Variants in PPP2R5E observed in about 807,000 individuals in gnomAD.
PPP2R5E encodes the protein serine/threonine-protein phosphatase 2A 56 kDa regulatory subunit epsilon isoform.
Under a neutral mutation model 65.3 loss-of-function variants are expected in PPP2R5E, and 4 were observed. The observed-to-expected ratio is 0.06, with a 90% CI of 0.03 to 0.14. The LOEUF (loss-of-function observed/expected upper bound fraction) is 0.14. PPP2R5E is among the 10% of genes least tolerant of loss of function. The pLI, the probability that PPP2R5E is intolerant of heterozygous loss-of-function variation, is 1.00. For missense variants in PPP2R5E, 274 were observed against 556.1 expected, an observed-to-expected ratio of 0.49 and a Z score of 5.10; for synonymous variants, 183 against 187.4, an observed-to-expected ratio of 0.98 and a Z score of 0.19.
At chr14:63,379,712 G>A (rs1884203364) in intron 13 of PPP2R5E, among the ~76,000 whole-genome samples, 1 of 151,674 alleles carries the variant, frequency 6.6e-6, no homozygotes, top group Admixed American at 6.6e-5. Context: ...TCTTTTTCAA[G>A]GGTTTAGTCT....
intron 13 of PPP2R5E, among the ~76,000 whole-genome samples, chr14:63,376,884 C>T (rs1247071471): frequency 1.3e-5 from 2 of 152,048 alleles, no homozygotes; most frequent in African/African-American, 2.4e-5. Flanking sequence ...AAAGCAGACC[C>T]AGGCTGGGCG....
chr14:63,411,215 A>G (rs1886371000), intron 5 of PPP2R5E, among the ~76,000 whole-genome samples: 1 of 152,178 alleles, frequency 6.6e-6, no homozygotes, highest in East Asian at 1.9e-4. Flanking sequence ...CATAGCATCT[A>G]ATAGTCTCTA....
chr14:63,514,276 C>T (rs1892574966), intron 2 of PPP2R5E, among the ~76,000 whole-genome samples: 1 of 152,070 alleles, frequency 6.6e-6, no homozygotes, highest in Non-Finnish European at 1.5e-5. Flanking sequence ...CAGACACTGC[C>T]AGCTCTCAGT....
chr14:63,404,830 T>G (rs1885974787), intron 5 of PPP2R5E, among the ~76,000 whole-genome samples: 1 of 152,218 alleles, frequency 6.6e-6, no homozygotes, highest in Admixed American at 6.6e-5. Flanking sequence ...GTGATTTAAA[T>G]TTTTAAGACA....
chr14:63,445,438 G>A (rs966431680), intron 3 of PPP2R5E, among the ~76,000 whole-genome samples: 2 of 152,206 alleles, frequency 1.3e-5, no homozygotes, highest in African/African-American at 2.4e-5. Flanking sequence ...AGCCTTTAGC[G>A]AGTTGTAATC....
intron 7 of PPP2R5E, 115 bp downstream of exon 7, chr14:63,395,111 A>G (rs1268076227): frequency 2.5e-6 from 2 of 795,618 alleles, no homozygotes; most frequent in African/African-American, 1.7e-5. Context: ...CACAAATGAG[A>G]GAGACCCAAT....
intron 5 of PPP2R5E, among the ~76,000 whole-genome samples, chr14:63,399,795 C>G (rs918994345): frequency 6.6e-6 from 1 of 151,886 alleles, no homozygotes; most frequent in Non-Finnish European, 1.5e-5. Context: ...AGTGTCTTTA[C>G]AGCAAAACAT....
At chr14:63,510,728 A>G (rs774315799) in intron 2 of PPP2R5E, among the ~76,000 whole-genome samples, 1 of 152,226 alleles carries the variant, frequency 6.6e-6, no homozygotes, top group Non-Finnish European at 1.5e-5. Flanking sequence ...CATCATGTAA[A>G]GTTTTGTAAC....
At chr14:63,464,839 A>G (rs1422881909) in intron 2 of PPP2R5E, among the ~76,000 whole-genome samples, 2 of 152,130 alleles carry the variant, frequency 1.3e-5, no homozygotes, top group African/African-American at 4.8e-5. Flanking sequence ...CCTGGCCAAC[A>G]TGGTGAAACC....
At chr14:63,478,159 C>T (rs1890500328) in intron 2 of PPP2R5E, among the ~76,000 whole-genome samples, 2 of 152,130 alleles carry the variant, frequency 1.3e-5, no homozygotes, top group South Asian at 4.1e-4. Flanking sequence ...TGAAAACAGA[C>T]TATTTTCAAA....
At chr14:63,523,919 G>C (rs559526064) in intron 2 of PPP2R5E, among the ~76,000 whole-genome samples, 2 of 152,212 alleles carry the variant, frequency 1.3e-5, no homozygotes, top group African/African-American at 4.8e-5. Flanking sequence ...TTCCTACACT[G>C]CTAGTAGAAG....
rs1438101750 is a variant in PPP2R5E, at chr14:63,371,379, C to T, written c.*4630G>A. On this transcript the variant is annotated 3_prime_UTR_variant, in exon 14 of 14. Transcript: ENST00000337537. The stretch of plus-strand genomic sequence containing the variant: ...GGCACCTGAAAACTCTTCACTGCTT[C>T]TTTATTATGATGCACCCACAGTACA... 1.3e-5 allele frequency: 2 copies of T among 152,240 alleles called. No individual in the cohort carries two copies. Among genetic ancestry groups the T allele is most frequent in the Non-Finnish European group, 2.9e-5 (2 of 68,060 alleles). 9.4% of individuals were successfully genotyped at this position (152,240 alleles called of 1,614,324 possible).
At chr14:63,522,858 T>G (rs1298683699) in intron 2 of PPP2R5E, among the ~76,000 whole-genome samples, 2 of 125,200 alleles carry the variant, frequency 1.6e-5, no homozygotes, top group African/African-American at 3.3e-5. Flanking sequence ...AGGAGGGAGG[T>G]GGGGGGGGTC....
At position 63,422,578 on chromosome 14, in the gene PPP2R5E, T is replaced by C. The variant is rs1394353935; in HGVS notation, c.355-484A>G. On this transcript the variant is annotated intron_variant, in intron 3 of 13. Coordinates refer to ENST00000337537, the MANE Select transcript of PPP2R5E (RefSeq NM_006246.5). Reference sequence around the variant, plus strand: ...CGTCGCTACTAAAAACACAAAAAATTAGCCGGGCGAGGTGGCAGGCACCTG... The same window carrying C: ...CGTCGCTACTAAAAACACAAAAAATCAGCCGGGCGAGGTGGCAGGCACCTG... 2.0e-5 allele frequency among the ~76,000 whole-genome samples: 3 copies of C among 151,854 alleles called. No homozygotes were observed. The East Asian group carries it at 5.8e-4, about 29-fold the overall frequency.
chr14:63,447,870 G>C (rs917122328), intron 3 of PPP2R5E, among the ~76,000 whole-genome samples: 1 of 152,096 alleles, frequency 6.6e-6, no homozygotes, highest in African/African-American at 2.4e-5. Context: ...GTTGTGTCTC[G>C]GGGAATAGGG....
chr14:63,458,370 T>C (rs1889258170), intron 2 of PPP2R5E, among the ~76,000 whole-genome samples: 1 of 152,176 alleles, frequency 6.6e-6, no homozygotes, highest in Non-Finnish European at 1.5e-5. Context: ...GGATCCAATA[T>C]CACCTCACAT....
chr14:63,470,485 G>T, intron 2 of PPP2R5E, among the ~76,000 whole-genome samples: 1 of 149,720 alleles, frequency 6.7e-6, no homozygotes. Context: ...AAACCGACTT[G>T]CCCTCTGATA....
intron 13 of PPP2R5E, among the ~76,000 whole-genome samples, chr14:63,381,424 GA>G (rs1884350701): frequency 6.6e-6 from 1 of 152,166 alleles, no homozygotes. Flanking sequence ...GTGAATCCCA[GA>G]GAGCAAACTA....
rs140306094 is a variant in PPP2R5E at position 63,494,227 on chromosome 14, G to A, written c.158-40342C>T. Among the ~76,000 whole-genome samples the A allele has an allele frequency of 2.5e-3, 379 of 151,966 alleles. 1 individual carries two copies. The highest frequency in any genetic ancestry group is 8.6e-3 in the African/African-American group (357 of 41,502). On this transcript the variant is annotated intron_variant, in intron 2 of 13. Coordinates refer to ENST00000337537, the MANE Select transcript of PPP2R5E (RefSeq NM_006246.5). The stretch of plus-strand genomic sequence containing the variant: ...TATTCATACCTTAGAAGACTGTACC[G>A]CCATTTATTTATTTATTTATTTATG...
Sources: gnomAD v4.1 joint callset for allele counts (sites outside exome capture counted in the v4.1 genomes callset) on GRCh38, gnomAD v4.1.1 for gene constraint, MANE v1.5 for transcripts, NCBI Gene and HGNC (gene_info 2026-07-23, HGNC 2026-07-21) for gene names.